Variants in CFAP47 observed in about 807,000 individuals in gnomAD.
The protein encoded by CFAP47 is cilia and flagella associated protein 47, also known as cilia- and flagella-associated protein 47.
Under a neutral mutation model 148.1 loss-of-function variants are expected in CFAP47, and 29 were observed. The ratio of observed to expected loss-of-function variants is 0.20; its 90% CI spans 0.15 to 0.27. The LOEUF is 0.27. Ranked by LOEUF, CFAP47 falls within the 10% of genes least tolerant of loss-of-function variation. CFAP47 has a pLI of 1.00. For synonymous variants in CFAP47, 664 were observed against 577.3 expected (o/e 1.15, Z -2.15); for missense variants, 1,872 against 1,697.5 (o/e 1.10, Z -1.81).
chrX:36,135,629 A>G (rs1939031188), intron 33 of CFAP47, among the ~76,000 whole-genome samples: 1 of 111,977 alleles, frequency 8.9e-6, no homozygotes, highest in Non-Finnish European at 1.9e-5. Context: ...AAAACACATC[A>G]GTGTTTGCCA....
At chrX:36,251,554 C>G in intron 49 of CFAP47, 110 bp downstream of exon 49, 3 of 351,438 alleles carry the variant, frequency 8.5e-6, no homozygotes, top group South Asian at 1.3e-4. Flanking sequence ...TTAAATGACT[C>G]AGAAGAAAGT....
chrX:36,122,544 C>T (rs1291788004), intron 33 of CFAP47, among the ~76,000 whole-genome samples: 3 of 111,395 alleles, frequency 2.7e-5, no homozygotes, highest in Admixed American at 1.9e-4. Flanking sequence ...TATCTTCAAG[C>T]TCAGTAATTC....
intron 49 of CFAP47, among the ~76,000 whole-genome samples, chrX:36,270,843 A>G (rs1310468916): frequency 2.8e-5 from 3 of 108,607 alleles, no homozygotes; most frequent in Non-Finnish European, 5.7e-5. Context: ...CATGATGTCT[A>G]TTGAAGAGCA....
chrX:36,151,170 G>A (rs1296051487), intron 37 of CFAP47, among the ~76,000 whole-genome samples: 1 of 111,844 alleles, frequency 8.9e-6, no homozygotes, highest in Non-Finnish European at 1.9e-5. Context: ...TACTTTTCCT[G>A]TTAAGGAAGT....
chrX:35,961,968 G>A (rs1363749576), intron 8 of CFAP47, among the ~76,000 whole-genome samples: 1 of 111,073 alleles, frequency 9.0e-6, no homozygotes, highest in African/African-American at 3.3e-5. Context: ...ATAAATTTCT[G>A]TCTTGTCACT....
chrX:36,338,112 C>T (rs1257344530), intron 57 of CFAP47, among the ~76,000 whole-genome samples: 2 of 96,835 alleles, frequency 2.1e-5, no homozygotes, highest in African/African-American at 7.8e-5. Context: ...TGGTCTCGAT[C>T]TCCTGACCTT....
chrX:36,359,528 G>T lies in CFAP47; in HGVS notation c.8852-1802G>T, dbSNP rs782024249. On this transcript the variant is annotated intron_variant, in intron 60 of 63. Transcript: ENST00000378653. ...ACTTTCTTTTAACATTTCTACTAGGGTTAAAAGTTATTTGTGCACCACTAT... is the reference window on the plus strand; with the variant it reads ...ACTTTCTTTTAACATTTCTACTAGGTTTAAAAGTTATTTGTGCACCACTAT... Among the ~76,000 whole-genome samples, 3 of 110,988 alleles carry T rather than the reference G, an allele frequency of 2.7e-5. No individual in the cohort carries two copies. The South Asian group carries it at 1.1e-3, about 42-fold the overall frequency.
At chrX:36,336,592 T>C (rs1180873636) in intron 57 of CFAP47, among the ~76,000 whole-genome samples, 1 of 111,393 alleles carries the variant, frequency 9.0e-6, no homozygotes, top group Non-Finnish European at 1.9e-5. Flanking sequence ...TTTTAAAAGA[T>C]AAAATATTCA....
rs146571068 is a variant in CFAP47 at position 35,933,367 on chromosome X, C to G, written c.401+7199C>G. Among the ~76,000 whole-genome samples the G allele has an allele frequency of 7.2e-3, 798 of 111,118 alleles. 4 individuals carry two copies. Among genetic ancestry groups the G allele is most frequent in the Middle Eastern group, 0.023 (5 of 214 alleles). ...GGCTTATTTCACTTAACATAATGAC[C>G]TCCAGTTACATCTATGTGTAAATGA... On this transcript the variant is annotated intron_variant, in intron 2 of 63. Transcript: ENST00000378653.
At chrX:36,234,260 T>C (rs369089713) in intron 46 of CFAP47, among the ~76,000 whole-genome samples, 2 of 110,595 alleles carry the variant, frequency 1.8e-5, no homozygotes, top group Admixed American at 9.6e-5. Context: ...ACCAATCAGA[T>C]GTAGATTTGG....
chrX:35,924,339 A>G (rs746767642), intron 1 of CFAP47, among the ~76,000 whole-genome samples: 8 of 106,177 alleles, frequency 7.5e-5, no homozygotes, highest in East Asian at 3.0e-4. Context: ...ATGTGTACAT[A>G]TATGTGTGCA....
intron 49 of CFAP47, among the ~76,000 whole-genome samples, chrX:36,260,919 A>G (rs1319375248): frequency 9.0e-6 from 1 of 111,324 alleles, no homozygotes; most frequent in Non-Finnish European, 1.9e-5. Flanking sequence ...AGTCTTCTGC[A>G]TATGGCTAGA....
intron 55 of CFAP47, among the ~76,000 whole-genome samples, chrX:36,308,570 A>G (rs1304774890): frequency 9.0e-6 from 1 of 111,535 alleles, no homozygotes; most frequent in East Asian, 2.8e-4. Context: ...ATGAACAGGC[A>G]TCTAAAGAAA....
At chrX:35,925,467 T>G (rs1166370556) in intron 1 of CFAP47, among the ~76,000 whole-genome samples, 2 of 112,066 alleles carry the variant, frequency 1.8e-5, no homozygotes, top group African/African-American at 6.5e-5. Context: ...GATGGATATG[T>G]TAATTAGCCT....
intron 32 of CFAP47, among the ~76,000 whole-genome samples, chrX:36,100,767 TA>T (rs760828041): frequency 6.9e-4 from 78 of 112,280 alleles, no homozygotes; most frequent in African/African-American, 2.5e-3. Flanking sequence ...GTAAATTTTT[TA>T]ATATTAAATC....
intron 62 of CFAP47, among the ~76,000 whole-genome samples, chrX:36,375,548 G>A (rs1014889119): frequency 1.8e-5 from 2 of 112,172 alleles, no homozygotes; most frequent in Non-Finnish European, 3.8e-5. Context: ...TTTATCTAAA[G>A]TGTAGTTCAA....
intron 27 of CFAP47, among the ~76,000 whole-genome samples, chrX:36,068,973 A>G (rs902650691): frequency 2.8e-5 from 3 of 108,880 alleles, no homozygotes; most frequent in African/African-American, 1.0e-4. Flanking sequence ...AAAAAAAAAG[A>G]AAAAAGATTT....
At chrX:36,240,061 T>C (rs1035773793) in intron 48 of CFAP47, among the ~76,000 whole-genome samples, 3 of 111,945 alleles carry the variant, frequency 2.7e-5, no homozygotes, top group Non-Finnish European at 3.8e-5. Flanking sequence ...TTTACAGAAT[T>C]AGTTCAGAAA....
chrX:36,332,663 T>C (rs1341848171), intron 57 of CFAP47, among the ~76,000 whole-genome samples: 8 of 111,998 alleles, frequency 7.1e-5, no homozygotes, highest in Non-Finnish European at 1.3e-4. Context: ...AATCCCTGCC[T>C]CTATCAAGGA....
Sources: gnomAD v4.1 joint callset for allele counts (sites outside exome capture counted in the v4.1 genomes callset) on GRCh38, gnomAD v4.1.1 for gene constraint, MANE v1.5 for transcripts, NCBI Gene and HGNC (gene_info 2026-07-23, HGNC 2026-07-21) for gene names.